Variants in IFI44L observed in about 807,000 individuals in gnomAD.
IFI44L encodes the protein interferon induced protein 44 like, also known as interferon-induced protein 44-like.
In IFI44L, 40 loss-of-function variants were observed where a neutral mutation model predicts 39.3. That is an observed-to-expected ratio of 1.02 (90% CI 0.79 to 1.33). IFI44L has a LOEUF of 1.33. Among genes scored for constraint, IFI44L ranks in the 40% most tolerant of loss-of-function variants. IFI44L has a pLI of 0.00. For missense variants in IFI44L, 623 were observed against 549.0 expected (o/e 1.13, Z -1.35); for synonymous variants, 198 against 182.3 (o/e 1.09, Z -0.69).
At position 78,644,627 on chromosome 1, in the gene IFI44L, T is replaced by A. The variant is rs1647027935; in HGVS notation, c.*2818T>A. The A allele has an allele frequency of 6.6e-6, 1 of 152,216 alleles. No individual in the cohort carries two copies. The highest frequency in any genetic ancestry group is 2.1e-4 in the South Asian group (1 of 4,832). The allele number at this position is 152,216 out of a possible 1,614,324, so 9.4% of individuals were successfully genotyped here. A position where few individuals can be genotyped will look rare whatever the true frequency, so the allele number is the denominator to read the frequency against. On this transcript the variant is annotated 3_prime_UTR_variant, in exon 9 of 9. Coordinates refer to ENST00000370751, the MANE Select transcript of IFI44L (RefSeq NM_006820.4). The stretch of plus-strand genomic sequence containing the variant: ...CCACCCTGAGGGGTGGTGGGAATTA[T>A]CATTTTGCTACATTTTAGAGGTCAT...
At chr1:78,622,809 A>G (rs1652325074) in intron 1 of IFI44L, among the ~76,000 whole-genome samples, 1 of 152,206 alleles carries the variant, frequency 6.6e-6, no homozygotes, top group Non-Finnish European at 1.5e-5. Flanking sequence ...GAGTTCTCAT[A>G]TCTACAACCA....
intron 6 of IFI44L, 60 bp downstream of exon 6, chr1:78,637,263 G>T (rs1652985434): frequency 7.7e-7 from 1 of 1,294,150 alleles, no homozygotes; most frequent in Non-Finnish European, 1.1e-6. Context: ...TTTGTAGGAA[G>T]TTGCAAAGAG....
rs1313837276 is a variant in IFI44L at position 78,642,192 on chromosome 1, G to C, written c.*383G>C. On this transcript the variant is annotated 3_prime_UTR_variant, in exon 9 of 9. Coordinates refer to ENST00000370751, the MANE Select transcript of IFI44L (RefSeq NM_006820.4). ...CATCTGCTTCTTAAACAGATTGTGA[G>C]TTCTTTGAGAAACAGCGTGGATTTT... is the stretch of plus-strand genomic sequence containing the variant. 1 of 214,182 alleles carries C rather than the reference G, an allele frequency of 4.7e-6. No homozygotes were observed. The highest frequency in any genetic ancestry group is 9.4e-6 in the Non-Finnish European group (1 of 106,168). 13.3% of individuals were successfully genotyped at this position (214,182 alleles called of 1,614,324 possible).
chr1:78,641,078 A>G lies in IFI44L; in HGVS notation c.1106A>G (p.Asp369Gly). 1 of 1,613,002 alleles carries G rather than the reference A, an allele frequency of 6.2e-7. No homozygotes were observed. The change falls in exon 7 of 9, where the codon GAC (aspartate) becomes GGC (glycine). Residue 369 changes from aspartate to glycine, a missense_variant. Asp to Gly is a moderately conservative substitution (Grantham distance 94). Transcript: ENST00000370751. Reference sequence around the variant, plus strand: ...GATGATTGCAGTGAGGTTCTTCAAGACAACTTTTTAAACATGAGTAGATCT... The same window carrying G: ...GATGATTGCAGTGAGGTTCTTCAAGGCAACTTTTTAAACATGAGTAGATCT... ...KVDDCSEVLQ[D>G]NFLNMSRSMT...
In IFI44L at chr1:78,637,208, G is replaced by C. The variant is rs1652982455; in HGVS notation, c.1048+5G>C. On this transcript the variant is annotated splice_donor_5th_base_variant and intron_variant, in intron 6 of 8. Transcript: ENST00000370751. Reference sequence around the variant, plus strand: ...ACAAAGAAGTATTAAACTGTGGTGAGTCTCACTGAACTTATAAAAAAATTT... The same window carrying C: ...ACAAAGAAGTATTAAACTGTGGTGACTCTCACTGAACTTATAAAAAAATTT... 3 of 1,587,020 alleles carry C rather than the reference G, an allele frequency of 1.9e-6. No homozygotes were observed. Among genetic ancestry groups the C allele is most frequent in the Non-Finnish European group, 2.6e-6 (3 of 1,169,890 alleles).
intron 5 of IFI44L, 84 bp from the exon 6 acceptor site, chr1:78,636,948 C>A: frequency 1.0e-6 from 1 of 961,402 alleles, no homozygotes; most frequent in Non-Finnish European, 1.6e-6. Context: ...TCAGTAGTTA[C>A]AGTATTAGAA....
chr1:78,628,299 T>G lies in IFI44L; in HGVS notation c.384T>G (p.Asn128Lys), dbSNP rs754319466. Reference protein sequence around the residue: ...KTDIFIICRDNKIYLDKMITR... With the variant: ...KTDIFIICRDKKIYLDKMITR... ...ATATTTTCATTATATGTCGAGATAA[T>G]AAAATTTATCTAGATAAAATGATAA... Residue 128 changes from asparagine (N) to lysine (K), a missense_variant, in exon 2 of 9, where the codon AAT (asparagine) becomes AAG (lysine). Coordinates refer to ENST00000370751, the MANE Select transcript of IFI44L (RefSeq NM_006820.4). 27 of 1,603,080 alleles carry G rather than the reference T, an allele frequency of 1.7e-5. No individual in the cohort carries two copies. Among genetic ancestry groups the G allele is most frequent in the Non-Finnish European group, 2.3e-5 (27 of 1,171,866 alleles).
At chr1:78,638,716 G>C (rs774272893) in intron 6 of IFI44L, among the ~76,000 whole-genome samples, 32 of 151,924 alleles carry the variant, frequency 2.1e-4, no homozygotes, top group Non-Finnish European at 4.4e-4. Context: ...TCCTTCATTT[G>C]TTTCAAGAAT....
At chr1:78,629,122 T>G in intron 3 of IFI44L, 123 bp downstream of exon 3, 2 of 694,350 alleles carry the variant, frequency 2.9e-6, no homozygotes, top group South Asian at 3.4e-5. Flanking sequence ...AGAGTTATAA[T>G]GTTATTGACA....
At position 78,640,886 on chromosome 1, in the gene IFI44L, A is replaced by T. The variant is rs1250871772; in HGVS notation, c.1049-135A>T. ...CCTCTAGAAAAGCTTCAGGCTCCAT[A>T]TTGAGATGTATTGGGGATATTTCAT... On this transcript the variant is annotated intron_variant, in intron 6 of 8. Coordinates refer to ENST00000370751, the MANE Select transcript of IFI44L (RefSeq NM_006820.4). 3 of 568,088 alleles carry T rather than the reference A, an allele frequency of 5.3e-6. No individual in the cohort carries two copies. The African/African-American group carries it at 5.7e-5, about 11-fold the overall frequency. The allele number at this position is 568,088 out of a possible 1,614,324, so 35.2% of individuals were successfully genotyped here. A position where few individuals can be genotyped will look rare whatever the true frequency, so the allele number is the denominator to read the frequency against.
intron 6 of IFI44L, 80 bp downstream of exon 6, chr1:78,637,283 A>C (rs1010716274): frequency 3.8e-6 from 4 of 1,045,008 alleles, no homozygotes; most frequent in Non-Finnish European, 5.6e-6. Context: ...GAGTACAGAG[A>C]TTTCCCATGT....
intron 6 of IFI44L, 28 bp downstream of exon 6, chr1:78,637,231 T>A: frequency 6.6e-7 from 1 of 1,522,774 alleles, no homozygotes; most frequent in Non-Finnish European, 8.9e-7. Flanking sequence ...TATAAAAAAA[T>A]TTACTTTGAA....
In IFI44L at chr1:78,642,143, A is replaced by G. The variant is rs1211543567; in HGVS notation, c.*334A>G. 6.3e-6 allele frequency: 2 copies of G among 315,844 alleles called. No homozygotes were observed. The highest frequency in any genetic ancestry group is 1.2e-5 in the Non-Finnish European group (2 of 169,646). 19.6% of individuals were successfully genotyped at this position (315,844 alleles called of 1,614,324 possible). ...ATGTGAGTACTAATCACATTGAATA[A>G]TAGTTATAAAATTATTGTATAGACA... On this transcript the variant is annotated 3_prime_UTR_variant, in exon 9 of 9. Transcript: ENST00000370751.
intron 6 of IFI44L, 30 bp downstream of exon 6, chr1:78,637,233 T>A (rs1163310258): frequency 6.7e-7 from 1 of 1,499,690 alleles, no homozygotes. Flanking sequence ...TAAAAAAATT[T>A]ACTTTGAAAT....
At chr1:78,624,603 A>G (rs1420283442) in intron 1 of IFI44L, among the ~76,000 whole-genome samples, 1 of 152,124 alleles carries the variant, frequency 6.6e-6, no homozygotes, top group Non-Finnish European at 1.5e-5. Context: ...TTGGGACTAT[A>G]GTGTTCAAGT....
chr1:78,629,681 G>T (rs1373895269), intron 3 of IFI44L, 39 bp from the exon 4 acceptor site: 1 of 1,465,452 alleles, frequency 6.8e-7, no homozygotes, highest in African/African-American at 1.4e-5. Flanking sequence ...TTCTTTATTG[G>T]CTGTTCTGAT....
chr1:78,639,748 A>G (rs1653091028), intron 6 of IFI44L, among the ~76,000 whole-genome samples: 1 of 152,108 alleles, frequency 6.6e-6, no homozygotes, highest in Admixed American at 6.6e-5. Flanking sequence ...CTCTCACTGA[A>G]CTTCCAAAAG....
chr1:78,622,618 G>A (rs1652317482), intron 1 of IFI44L, among the ~76,000 whole-genome samples: 1 of 151,924 alleles, frequency 6.6e-6, no homozygotes, highest in Non-Finnish European at 1.5e-5. Flanking sequence ...ATAGAATTTG[G>A]CAAATGTGAT....
At position 78,635,663 on chromosome 1, in the gene IFI44L, C is replaced by T. The variant is rs376297693; in HGVS notation, c.876+174C>T. 366 of 612,226 alleles carry T rather than the reference C, an allele frequency of 6.0e-4. 2 individuals carry two copies. In the East Asian group the frequency reaches 9.3e-3, roughly 15 times the overall value. 37.9% of individuals were successfully genotyped at this position (612,226 alleles called of 1,614,324 possible). A position where few individuals can be genotyped will look rare whatever the true frequency, so the allele number is the denominator to read the frequency against. ...ATGAAAAAGTAGAGTGACTATTGTT[C>T]TTTTCTGTAACATTGAGAAATAAAG... On this transcript the variant is annotated intron_variant, in intron 5 of 8. Coordinates refer to ENST00000370751, the MANE Select transcript of IFI44L (RefSeq NM_006820.4).
Sources: gnomAD v4.1 joint callset for allele counts (sites outside exome capture counted in the v4.1 genomes callset) on GRCh38, gnomAD v4.1.1 for gene constraint, MANE v1.5 for transcripts, NCBI Gene and HGNC (gene_info 2026-07-23, HGNC 2026-07-21) for gene names.